The following TSNARE1 variants were observed in gnomAD, a reference collection of about 807,000 sequenced individuals.
TSNARE1 encodes the protein t-SNARE domain containing 1, also known as t-SNARE domain-containing protein 1.
TSNARE1 carries 49 observed loss-of-function variants against 62.0 expected under a neutral mutation model. That is an observed-to-expected ratio of 0.79 (90% confidence interval 0.63 to 1.00). The LOEUF is 1.00. Ranked by LOEUF, TSNARE1 falls within the 50% of genes least tolerant of loss-of-function variation. TSNARE1 has a pLI of 0.00. For synonymous variants in TSNARE1, 328 were observed against 294.4 expected (o/e 1.11, Z -1.17); for missense variants, 755 against 700.1 (o/e 1.08, Z -0.88).
chr8:142,262,375 T>C (rs1818940553), intron 12 of TSNARE1, among the ~76,000 whole-genome samples: 1 of 152,248 alleles, frequency 6.6e-6, no homozygotes, highest in South Asian at 2.1e-4. Flanking sequence ...TTTTATGTAT[T>C]GTAATAAAGC....
chr8:142,256,637 A>T (rs930115109), intron 12 of TSNARE1, among the ~76,000 whole-genome samples: 2 of 151,970 alleles, frequency 1.3e-5, no homozygotes, highest in African/African-American at 2.4e-5. Context: ...CACCACAATC[A>T]GCAGAAGTAA....
At position 142,277,725 on chromosome 8, in the gene TSNARE1, A is replaced by G. The variant is rs899927217; in HGVS notation, c.1364-2862T>C. 7 of 985,340 alleles carry G rather than the reference A, an allele frequency of 7.1e-6. No homozygotes were observed. In the African/African-American group the frequency reaches 1.2e-4, roughly 17 times the overall value. The allele number at this position is 985,340 out of a possible 1,614,324, so 61.0% of individuals were successfully genotyped here. On this transcript the variant is annotated intron_variant, in intron 11 of 13. Transcript: ENST00000524325. ...AGACTCCCGTGCTGCAGGGGAGCCCAGCGGCCTGGGGACCTGGAGTGGCTG... is the reference window on the plus strand; with the variant it reads ...AGACTCCCGTGCTGCAGGGGAGCCCGGCGGCCTGGGGACCTGGAGTGGCTG...
chr8:142,241,269 A>G (rs1384335663), intron 12 of TSNARE1, among the ~76,000 whole-genome samples: 1 of 152,240 alleles, frequency 6.6e-6, no homozygotes, highest in African/African-American at 2.4e-5. Flanking sequence ...CCCCATTTAC[A>G]ATAGTATAAA....
At chr8:142,238,705 A>ATGCACACCTGCCCC (rs1817550951) in intron 12 of TSNARE1, among the ~76,000 whole-genome samples, 2 of 111,446 alleles carry the variant, frequency 1.8e-5, no homozygotes, top group Non-Finnish European at 3.6e-5. Flanking sequence ...TCACTTGCAC[A>ATGCACACCTGCCCC]TGCACACCTG....
chr8:142,401,061 G>C (rs926692050), intron 1 of TSNARE1, among the ~76,000 whole-genome samples: 2 of 152,164 alleles, frequency 1.3e-5, no homozygotes, highest in African/African-American at 2.4e-5. Flanking sequence ...CCATGGTCGA[G>C]GCATGTTTGT....
chr8:142,314,909 G>T, intron 8 of TSNARE1, 94 bp downstream of exon 8: 1 of 1,201,112 alleles, frequency 8.3e-7, no homozygotes, highest in Non-Finnish European at 1.2e-6. Flanking sequence ...GCTGCACCAG[G>T]CCCACAGGGA....
At chr8:142,258,256 G>A (rs7460777) in intron 12 of TSNARE1, among the ~76,000 whole-genome samples, 41,516 of 151,900 alleles carry the variant, frequency 0.27, 7,367 homozygotes, top group African/African-American at 0.49. Context: ...ATGAAGGCAC[G>A]CGTGTGCACA....
chr8:142,304,463 C>T (rs1451776884), intron 9 of TSNARE1, among the ~76,000 whole-genome samples: 1 of 152,216 alleles, frequency 6.6e-6, no homozygotes, highest in Non-Finnish European at 1.5e-5. Flanking sequence ...TGGTCTATGC[C>T]CCTCAAGCTC....
intron 1 of TSNARE1, among the ~76,000 whole-genome samples, chr8:142,386,545 G>C (rs1048837437): frequency 6.8e-6 from 1 of 146,530 alleles, no homozygotes; most frequent in African/African-American, 2.5e-5. Context: ...CACTAGGCAA[G>C]AAAAAAAAAA....
At chr8:142,274,528 G>T (rs1215202336) in intron 12 of TSNARE1, 1 of 985,348 alleles carries the variant, frequency 1.0e-6, no homozygotes, top group Non-Finnish European at 1.2e-6. Context: ...CCATGGGAGA[G>T]GGCGGCGTGG....
intron 1 of TSNARE1, among the ~76,000 whole-genome samples, chr8:142,383,999 G>A (rs185030938): frequency 2.0e-5 from 3 of 152,206 alleles, no homozygotes; most frequent in African/African-American, 7.2e-5. Context: ...AGCACTGGCG[G>A]TAGAAGGGGT....
intron 2 of TSNARE1, among the ~76,000 whole-genome samples, chr8:142,347,873 GT>G: frequency 6.6e-6 from 1 of 151,916 alleles, no homozygotes. Context: ...GTTCACCCAA[GT>G]CCAGAAGGAC....
intron 10 of TSNARE1, among the ~76,000 whole-genome samples, chr8:142,285,794 T>C (rs1039091459): frequency 6.6e-6 from 1 of 152,150 alleles, no homozygotes; most frequent in African/African-American, 2.4e-5. Flanking sequence ...TTCCATGCTG[T>C]CTACCTTTAC....
intron 12 of TSNARE1, among the ~76,000 whole-genome samples, chr8:142,230,058 A>G (rs909040721): frequency 1.3e-5 from 2 of 152,218 alleles, no homozygotes; most frequent in African/African-American, 4.8e-5. Context: ...TCTTACTTGT[A>G]TATTCTTGTG....
intron 6 of TSNARE1, among the ~76,000 whole-genome samples, chr8:142,328,950 C>T (rs1368760759): frequency 6.6e-6 from 1 of 152,174 alleles, no homozygotes; most frequent in Non-Finnish European, 1.5e-5. Flanking sequence ...GAAGGACCAC[C>T]CTTCCTCCTG....
intron 1 of TSNARE1, among the ~76,000 whole-genome samples, chr8:142,396,314 C>T (rs970927488): frequency 4.6e-5 from 7 of 152,158 alleles, no homozygotes; most frequent in African/African-American, 1.7e-4. Context: ...ACACCATCCA[C>T]AGGCAACCAC....
intron 13 of TSNARE1, among the ~76,000 whole-genome samples, chr8:142,220,924 G>C (rs1033858414): frequency 6.6e-6 from 1 of 152,230 alleles, no homozygotes; most frequent in Non-Finnish European, 1.5e-5. Flanking sequence ...GACAGAATCC[G>C]TGTAAAGTAC....
chr8:142,269,794 C>T lies in TSNARE1; in HGVS notation c.1446+4987G>A, dbSNP rs1032560665. 10 of 985,278 alleles carry T rather than the reference C, an allele frequency of 1.0e-5. No homozygotes were observed. In the Admixed American group the frequency reaches 1.8e-4, roughly 18 times the overall value. The allele number at this position is 985,278 out of a possible 1,614,324, so 61.0% of individuals were successfully genotyped here. The stretch of plus-strand genomic sequence containing the variant: ...GCCCAGAACCAACAGCAGCACCATG[C>T]GCACCCATAGAAGGGGTAGCCTGGA... On this transcript the variant is annotated intron_variant, in intron 12 of 13. Coordinates refer to ENST00000524325, the MANE Select transcript of TSNARE1 (RefSeq NM_145003.5).
At chr8:142,346,155 C>T (rs529585566) in intron 2 of TSNARE1, among the ~76,000 whole-genome samples, 35 of 152,350 alleles carry the variant, frequency 2.3e-4, no homozygotes, top group East Asian at 9.6e-4. Context: ...AAACAACCCC[C>T]AGGGCTTGCA....
Sources: gnomAD v4.1 joint callset for allele counts (sites outside exome capture counted in the v4.1 genomes callset) on GRCh38, gnomAD v4.1.1 for gene constraint, MANE v1.5 for transcripts, NCBI Gene and HGNC (gene_info 2026-07-23, HGNC 2026-07-21) for gene names.